Variants in CCDC33 observed in about 807,000 individuals in gnomAD.
CCDC33 encodes the protein coiled-coil domain containing 33, also known as coiled-coil domain-containing protein 33.
In CCDC33, 94 loss-of-function variants were observed where a neutral mutation model predicts 91.9. The observed-to-expected ratio is 1.02, with a 90% confidence interval of 0.87 to 1.21. The LOEUF is 1.21. CCDC33 is among the 50% of genes most tolerant of loss of function. The probability of loss-of-function intolerance (pLI) is 0.00; values close to 1 mark genes in which losing one functional copy is unlikely to be tolerated. For synonymous variants in CCDC33, 396 were observed against 374.5 expected, an observed-to-expected ratio of 1.06 and a Z score of -0.66; for missense variants, 940 against 935.5, an observed-to-expected ratio of 1.00 and a Z score of -0.06.
At chr15:74,313,415 CTTTTT>C (rs35519774) in intron 11 of CCDC33, among the ~76,000 whole-genome samples, 3 of 94,178 alleles carry the variant, frequency 3.2e-5, no homozygotes, top group East Asian at 3.3e-4. Context: ...TTCTTTCTTT[CTTTTT>C]TTTTTTTTTT....
At chr15:74,267,643 G>C (rs566474678) in intron 4 of CCDC33, among the ~76,000 whole-genome samples, 2 of 152,228 alleles carry the variant, frequency 1.3e-5, no homozygotes, top group South Asian at 2.1e-4. Flanking sequence ...AAGTGGTTGA[G>C]AGTAAAGAAC....
At chr15:74,227,304 C>T (rs2074832613) in intron 2 of CCDC33, among the ~76,000 whole-genome samples, 1 of 152,190 alleles carries the variant, frequency 6.6e-6, no homozygotes, top group Non-Finnish European at 1.5e-5. Context: ...GCATCCTTTC[C>T]CAGGGAGACT....
chr15:74,294,057 C>G (rs1235127983), intron 10 of CCDC33, among the ~76,000 whole-genome samples: 1 of 152,214 alleles, frequency 6.6e-6, no homozygotes, highest in Non-Finnish European at 1.5e-5. Context: ...TATGCATGGA[C>G]TTTCCTATAG....
chr15:74,261,645 T>C (rs1237108509), intron 2 of CCDC33, among the ~76,000 whole-genome samples: 1 of 152,206 alleles, frequency 6.6e-6, no homozygotes, highest in African/African-American at 2.4e-5. Flanking sequence ...CCTGGCCTAG[T>C]AACCTCTTCT....
intron 8 of CCDC33, 31 bp downstream of exon 8, chr15:74,280,123 G>A (rs1350215860): frequency 6.2e-7 from 1 of 1,612,638 alleles, no homozygotes; most frequent in South Asian, 1.1e-5. Context: ...CGCCAGGGCA[G>A]CCATGCCTCA....
Position 74,268,379 on chromosome 15 carries a change from A to G in CCDC33, c.467A>G (p.Lys156Arg). 3.7e-6 allele frequency: 6 copies of G among 1,613,184 alleles called. No homozygotes were observed. Among genetic ancestry groups the G allele is most frequent in the Non-Finnish European group, 5.1e-6 (6 of 1,179,534 alleles). ...ESGKADEATA[K>R]TQLYATVVRK... ...GGGAAAGCCGATGAAGCCACTGCCA[A>G]GACCCAGTTGTACGCAACAGTCGTT... Residue 156 changes from lysine (K) to arginine (R), a missense_variant, in exon 5 of 19, where the codon AAG becomes AGG. Coordinates refer to ENST00000398814, the MANE Select transcript of CCDC33 (RefSeq NM_025055.5).
At chr15:74,282,785 G>A (rs773828403) in intron 10 of CCDC33, among the ~76,000 whole-genome samples, 41 of 152,126 alleles carry the variant, frequency 2.7e-4, no homozygotes, top group Non-Finnish European at 4.6e-4. Context: ...GATCCCTCTC[G>A]CTAGCTACAC....
chr15:74,239,073 C>A (rs1199523742), intron 1 of CCDC33, among the ~76,000 whole-genome samples: 1 of 152,222 alleles, frequency 6.6e-6, no homozygotes, highest in East Asian at 1.9e-4. Flanking sequence ...TGGGAAATAG[C>A]CCCACTGCAG....
At chr15:74,281,919 A>G (rs943836475) in intron 10 of CCDC33, 70 bp downstream of exon 10, 3 of 1,384,766 alleles carry the variant, frequency 2.2e-6, no homozygotes, top group Non-Finnish European at 2.0e-6. Flanking sequence ...TTCCTTCACA[A>G]TTGCTGGCTT....
chr15:74,215,385 A>G (rs2074414971), upstream of CCDC33, among the ~76,000 whole-genome samples: 1 of 152,192 alleles, frequency 6.6e-6, no homozygotes, highest in Non-Finnish European at 1.5e-5. Context: ...GGGAGGTGGA[A>G]GAAGTTGTTG....
At chr15:74,266,433 A>G (rs1291895042) in intron 3 of CCDC33, among the ~76,000 whole-genome samples, 1 of 152,158 alleles carries the variant, frequency 6.6e-6, no homozygotes, top group Admixed American at 6.5e-5. Flanking sequence ...AGACCATGGG[A>G]GAAAATTGCA....
intron 2 of CCDC33, among the ~76,000 whole-genome samples, chr15:74,246,256 G>C (rs995372740): frequency 1.3e-5 from 2 of 152,178 alleles, no homozygotes; most frequent in African/African-American, 4.8e-5. Context: ...CCTTTACATT[G>C]GTCTTGGCAA....
chr15:74,331,181 C>G, intron 14 of CCDC33, 22 bp from the exon 15 acceptor site: 5 of 1,614,098 alleles, frequency 3.1e-6, no homozygotes, highest in Non-Finnish European at 4.2e-6. Context: ...TGGGCCAGCC[C>G]AGCCTCTGCT....
rs553717563 is a variant in CCDC33 at position 74,296,468 on chromosome 15, A to T, written c.1290+520A>T. Among the ~76,000 whole-genome samples the T allele has an allele frequency of 2.4e-3, 364 of 152,254 alleles. 4 individuals are homozygous for T. Among genetic ancestry groups the T allele is most frequent in the African/African-American group, 8.5e-3 (351 of 41,532 alleles). On this transcript the variant is annotated intron_variant, in intron 11 of 18. Coordinates refer to ENST00000398814, the MANE Select transcript of CCDC33 (RefSeq NM_025055.5). Reference sequence around the variant, plus strand: ...GGAAAAACCCCGTCTCTACTAAAAAAATACAAAATTAGCCAGACGTGGTGG... The same window carrying T: ...GGAAAAACCCCGTCTCTACTAAAAATATACAAAATTAGCCAGACGTGGTGG...
chr15:74,238,001 G>T (rs777450746), intron 1 of CCDC33, among the ~76,000 whole-genome samples: 2 of 151,684 alleles, frequency 1.3e-5, no homozygotes, highest in Non-Finnish European at 2.9e-5. Context: ...GTTGGTGCAC[G>T]TCTGTAATCC....
chr15:74,332,967 C>A, intron 16 of CCDC33, 122 bp downstream of exon 16: 1 of 1,168,740 alleles, frequency 8.6e-7, no homozygotes, highest in Non-Finnish European at 1.2e-6. Flanking sequence ...TCCAGTCTGC[C>A]TGGGGGCTCC....
chr15:74,310,045 G>A (rs1408230516), intron 11 of CCDC33, among the ~76,000 whole-genome samples: 1 of 152,092 alleles, frequency 6.6e-6, no homozygotes, highest in African/African-American at 2.4e-5. Context: ...TAGCTACTTG[G>A]GAGACTGAGG....
rs1324304118 is a variant in CCDC33, at chr15:74,236,637, G to C, written c.-83G>C. The C allele has an allele frequency of 1.3e-5, 17 of 1,351,816 alleles. No homozygotes were observed. Among genetic ancestry groups the C allele is most frequent in the Non-Finnish European group, 1.7e-5 (16 of 949,146 alleles). 83.7% of individuals were successfully genotyped at this position (1,351,816 alleles called of 1,614,324 possible). A position where few individuals can be genotyped will look rare whatever the true frequency, so the allele number is the denominator to read the frequency against. ...ACGCCCAGGCCAGCTGTCTGGGCAG[G>C]ACTGATTCCTGATCACCCACTGATA... On this transcript the variant is annotated 5_prime_UTR_variant, in exon 1 of 19. Coordinates refer to ENST00000398814, the MANE Select transcript of CCDC33 (RefSeq NM_025055.5).
intron 11 of CCDC33, among the ~76,000 whole-genome samples, chr15:74,312,975 G>T (rs2060020059): frequency 2.0e-5 from 3 of 152,222 alleles, no homozygotes; most frequent in South Asian, 4.1e-4. Context: ...GCCCTGGAAG[G>T]CTGGCTGCCT....
Sources: gnomAD v4.1 joint callset for allele counts (sites outside exome capture counted in the v4.1 genomes callset) on GRCh38, gnomAD v4.1.1 for gene constraint, MANE v1.5 for transcripts, NCBI Gene and HGNC (gene_info 2026-07-23, HGNC 2026-07-21) for gene names.